RANBP2: variants seen among roughly 807,000 people sequenced by gnomAD.
RANBP2 encodes RAN binding protein 2.
RANBP2 carries 57 observed loss-of-function variants against 303.6 expected under a neutral mutation model. The ratio of observed to expected loss-of-function variants is 0.19; its 90% CI spans 0.15 to 0.23. The LOEUF is 0.23. RANBP2 is among the 10% of genes least tolerant of loss of function. The pLI, the probability that RANBP2 is intolerant of heterozygous loss-of-function variation, is 1.00. For synonymous variants in RANBP2, 1,167 were observed against 1,301.5 expected (o/e 0.90, Z 2.23); for missense variants, 3,138 against 3,780.8 (o/e 0.83, Z 4.46).
At chr2:108,929,446 C>T in the RANBP2 span, 1 of 1,531,372 alleles carries the variant, frequency 6.5e-7, no homozygotes. Flanking sequence ...ACTCGGCCCA[C>T]AGTCCTTGGG....
the RANBP2 span, among the ~76,000 whole-genome samples, chr2:109,190,447 T>C: frequency 6.6e-6 from 1 of 152,256 alleles, no homozygotes; most frequent in South Asian, 2.1e-4. Context: ...GTGCTGGGGT[T>C]ATAGGCGTGA....
At chr2:108,772,030 T>C (rs1677539835) in intron 21 of RANBP2, among the ~76,000 whole-genome samples, 159 bp downstream of exon 21, 1 of 152,210 alleles carries the variant, frequency 6.6e-6, no homozygotes, top group African/African-American at 2.4e-5. Flanking sequence ...TCAATGGATA[T>C]AGTGATCAAA....
the RANBP2 span, among the ~76,000 whole-genome samples, chr2:109,450,117 G>A: frequency 6.6e-6 from 1 of 152,060 alleles, no homozygotes; most frequent in East Asian, 1.9e-4. Flanking sequence ...AGGCTGAGGC[G>A]GGCGGATCAC....
At chr2:109,249,435 C>T in the RANBP2 span, among the ~76,000 whole-genome samples, 1 of 152,252 alleles carries the variant, frequency 6.6e-6, no homozygotes, top group African/African-American at 2.4e-5. Context: ...ACCCTTCCCT[C>T]CTGCACCAGA....
chr2:109,165,204 A>C, the RANBP2 span, among the ~76,000 whole-genome samples: 1 of 49,772 alleles, frequency 2.0e-5, no homozygotes, highest in African/African-American at 5.6e-5. Context: ...AGCTGAGGGA[A>C]GACTGTGCTA....
the RANBP2 span, among the ~76,000 whole-genome samples, chr2:108,887,834 C>A: frequency 6.6e-6 from 1 of 152,150 alleles, no homozygotes; most frequent in South Asian, 2.1e-4. Flanking sequence ...TTAATTTCCT[C>A]TTTTCCATTC....
the RANBP2 span, among the ~76,000 whole-genome samples, chr2:109,662,067 C>A: frequency 6.6e-6 from 1 of 152,222 alleles, no homozygotes; most frequent in African/African-American, 2.4e-5. Flanking sequence ...CCTTTCCAGA[C>A]CATGACTGAG....
At chr2:109,304,923 C>T in the RANBP2 span, among the ~76,000 whole-genome samples, 3 of 152,238 alleles carry the variant, frequency 2.0e-5, no homozygotes, top group East Asian at 1.9e-4. Flanking sequence ...GAAAACTGCT[C>T]GGTTGGGTTT....
At chr2:108,862,140 A>G in the RANBP2 span, among the ~76,000 whole-genome samples, 1 of 148,010 alleles carries the variant, frequency 6.8e-6, no homozygotes, top group Non-Finnish European at 1.5e-5. Context: ...AGTATGTTTC[A>G]CATGCAGATG....
the RANBP2 span, among the ~76,000 whole-genome samples, chr2:108,832,037 TTC>T: frequency 6.6e-6 from 1 of 150,894 alleles, no homozygotes; most frequent in East Asian, 2.0e-4. Flanking sequence ...ACAGCTTTTT[TTC>T]TCTTTTTTGA....
At chr2:109,016,242 C>T in the RANBP2 span, among the ~76,000 whole-genome samples, 285 of 151,800 alleles carry the variant, frequency 1.9e-3, 3 homozygotes, top group Non-Finnish European at 1.7e-3. Context: ...CCACCACGCC[C>T]GGCTAATTTT....
At chr2:109,554,811 A>G in the RANBP2 span, among the ~76,000 whole-genome samples, 18 of 152,300 alleles carry the variant, frequency 1.2e-4, no homozygotes, top group African/African-American at 4.3e-4. Context: ...GAAATTTCCT[A>G]TAGCATGAAA....
the RANBP2 span, among the ~76,000 whole-genome samples, chr2:109,575,707 GCAAA>G: frequency 2.0e-5 from 3 of 152,152 alleles, no homozygotes; most frequent in Admixed American, 1.3e-4. Context: ...GAAAATAACA[GCAAA>G]CAGTTCCCAT....
the RANBP2 span, among the ~76,000 whole-genome samples, chr2:109,075,025 C>CAAAAAAAAAAAAAAA: frequency 2.2e-5 from 1 of 44,674 alleles, no homozygotes; most frequent in African/African-American, 8.9e-5. Flanking sequence ...GTCTCCATCT[C>CAAAAAAAAAAAAAAA]AAAAAAAAAA....
At chr2:109,279,709 CT>C in the RANBP2 span, among the ~76,000 whole-genome samples, 138 of 152,176 alleles carry the variant, frequency 9.1e-4, no homozygotes, top group African/African-American at 3.2e-3. Flanking sequence ...CTCTTGCCAG[CT>C]TGCGTTTCTT....
the RANBP2 span, among the ~76,000 whole-genome samples, chr2:109,555,030 G>C: frequency 6.6e-6 from 1 of 152,104 alleles, no homozygotes; most frequent in African/African-American, 2.4e-5. Context: ...AGCCGAACCT[G>C]ATCTTTGTGA....
the RANBP2 span, among the ~76,000 whole-genome samples, chr2:108,992,707 C>T: frequency 6.6e-6 from 1 of 152,254 alleles, no homozygotes; most frequent in Non-Finnish European, 1.5e-5. Context: ...CTCATGGTGA[C>T]ACCCACTAAG....
At chr2:108,805,919 G>T in the RANBP2 span, among the ~76,000 whole-genome samples, 1 of 152,094 alleles carries the variant, frequency 6.6e-6, no homozygotes, top group Non-Finnish European at 1.5e-5. Context: ...AGTAGATGTT[G>T]GAGCAGAAAT....
chr2:108,967,226 C>T, the RANBP2 span, among the ~76,000 whole-genome samples: 1 of 152,188 alleles, frequency 6.6e-6, no homozygotes. Flanking sequence ...TGAGCCACTG[C>T]ACCCGGCCAA....
Sources: allele counts gnomAD v4.1 joint callset (sites outside exome capture counted in the v4.1 genomes callset), GRCh38; gene constraint gnomAD v4.1.1; transcripts MANE v1.5; gene names NCBI Gene and HGNC (gene_info 2026-07-23, HGNC 2026-07-21).